The following THOC1 variants were observed in gnomAD, a reference collection of about 807,000 sequenced individuals.
The protein encoded by THOC1 is THO complex subunit 1.
A neutral mutation model predicts 97.3 loss-of-function variants in THOC1; 29 were observed. That is an observed-to-expected ratio of 0.30 (90% CI 0.22 to 0.41). THOC1 has a LOEUF of 0.41. Ranked by LOEUF, THOC1 falls within the 10% of genes least tolerant of loss-of-function variation. The probability of loss-of-function intolerance (pLI) is 1.00; values close to 1 mark genes in which losing one functional copy is unlikely to be tolerated. For missense variants in THOC1, 529 were observed against 761.9 expected, an observed-to-expected ratio of 0.69 and a Z score of 3.60; for synonymous variants, 255 against 257.0, an observed-to-expected ratio of 0.99 and a Z score of 0.07.
chr18:247,055 T>C (rs1311000354), intron 10 of THOC1, among the ~76,000 whole-genome samples: 2 of 152,206 alleles, frequency 1.3e-5, no homozygotes, highest in African/African-American at 4.8e-5. Context: ...TCTTACGCAT[T>C]TCTTGTGCTA....
At chr18:225,647 A>G in intron 12 of THOC1, 2 of 487,618 alleles carry the variant, frequency 4.1e-6, no homozygotes, top group South Asian at 5.9e-5. Flanking sequence ...AATCAATCAG[A>G]TTCACTATGA....
At chr18:252,792 G>C (rs1912323136) in intron 8 of THOC1, among the ~76,000 whole-genome samples, 180 bp from the exon 9 acceptor site, 1 of 152,160 alleles carries the variant, frequency 6.6e-6, no homozygotes, top group South Asian at 2.1e-4. Context: ...CTGATGGACA[G>C]AAGAACTCAA....
rs201272936 is a variant in THOC1 at position 226,881 on chromosome 18, A to G, written c.939T>C (p.Ser313=). 1.2e-6 allele frequency: 2 copies of G among 1,610,158 alleles called. No homozygotes were observed. Among genetic ancestry groups the G allele is most frequent in the African/African-American group, 2.7e-5 (2 of 75,024 alleles). Residue 313 remains serine (S), a synonymous_variant, in exon 12 of 21, where the codon AGT becomes AGC. Transcript: ENST00000261600. ...TSEKLMDLQL[S]DSNFRRHILL... Reference sequence around the variant, plus strand: ...GGATGTGTCGACGAAAGTTACTGTCACTCAGTTGTAAATCCATCAGCTACT... The same window carrying G: ...GGATGTGTCGACGAAAGTTACTGTCGCTCAGTTGTAAATCCATCAGCTACT...
rs546555244 is a variant in THOC1, at chr18:225,052, G to A, written c.1137+37C>T. On this transcript the variant is annotated intron_variant, in intron 14 of 20. Transcript: ENST00000261600. ...GTGGAATCCTCTGAAGTTCTATTTCGTGCTAAGAAGAGGATGTAAGCATAA... is the reference window on the plus strand; with the variant it reads ...GTGGAATCCTCTGAAGTTCTATTTCATGCTAAGAAGAGGATGTAAGCATAA... 51 of 1,565,414 alleles carry A rather than the reference G, an allele frequency of 3.3e-5. No individual in the cohort carries two copies. In the South Asian group the frequency reaches 3.7e-4, roughly 11 times the overall value.
In THOC1 at chr18:226,866, A is replaced by G; in HGVS notation, c.954T>C (p.Arg318=). 1 of 1,611,774 alleles carries G rather than the reference A, an allele frequency of 6.2e-7. No individual in the cohort carries two copies. Among genetic ancestry groups the G allele is most frequent in the Non-Finnish European group, 8.5e-7 (1 of 1,178,944 alleles). Residue 318 remains arginine (R), a synonymous_variant, in exon 12 of 21, where the codon CGT becomes CGC. Coordinates refer to ENST00000261600, the MANE Select transcript of THOC1 (RefSeq NM_005131.3). ...TGAGATACTGCAACAGGATGTGTCG[A>G]CGAAAGTTACTGTCACTCAGTTGTA... ...MDLQLSDSNF[R]RHILLQYLIL... is the part of the protein sequence containing the mutation.
chr18:247,975 A>C lies in THOC1; in HGVS notation c.678-18T>G. 7.4e-7 allele frequency: 1 copy of C among 1,345,906 alleles called. No homozygotes were observed. The highest frequency in any genetic ancestry group is 1.0e-6 in the Non-Finnish European group (1 of 973,336). 83.4% of individuals were successfully genotyped at this position (1,345,906 alleles called of 1,614,324 possible). ...GAATAGAGCTAATAAAATAAACGTTATATTAAATAAATCATTCAAATTCTT... is the reference window on the plus strand; with the variant it reads ...GAATAGAGCTAATAAAATAAACGTTCTATTAAATAAATCATTCAAATTCTT... On this transcript the variant is annotated intron_variant, in intron 9 of 20. Coordinates refer to ENST00000261600, the MANE Select transcript of THOC1 (RefSeq NM_005131.3).
chr18:264,731 A>G (rs1912709970), intron 3 of THOC1, among the ~76,000 whole-genome samples: 1 of 152,262 alleles, frequency 6.6e-6, no homozygotes, highest in Non-Finnish European at 1.5e-5. Flanking sequence ...ACTATGGCCA[A>G]TAGAAGGGAA....
chr18:253,902 ATTTTTTTT>A (rs35294329), intron 8 of THOC1, among the ~76,000 whole-genome samples: 1 of 133,964 alleles, frequency 7.5e-6, no homozygotes, highest in Non-Finnish European at 1.6e-5. Context: ...TTTACATGAA[ATTTTTTTT>A]TTTTTTTTTT....
intron 11 of THOC1, among the ~76,000 whole-genome samples, chr18:234,559 G>GT (rs922272593): frequency 2.0e-5 from 3 of 148,724 alleles, no homozygotes; most frequent in South Asian, 2.1e-4. Flanking sequence ...TTTTTGTTTT[G>GT]TTTTTTCAGA....
Position 260,314 on chromosome 18 carries a change from G to C in THOC1, c.257-10C>G. ...GATGCGGTACAAATACCTTCAAGTG[G>C]AGCACAAGCCAATTTAAAAGTTTAA... On this transcript the variant is annotated splice_polypyrimidine_tract_variant and intron_variant, in intron 4 of 20. Coordinates refer to ENST00000261600, the MANE Select transcript of THOC1 (RefSeq NM_005131.3). The C allele has an allele frequency of 6.8e-7, 1 of 1,473,554 alleles. No homozygotes were observed. The highest frequency in any genetic ancestry group is 9.0e-7 in the Non-Finnish European group (1 of 1,107,768). 91.3% of individuals were successfully genotyped at this position (1,473,554 alleles called of 1,614,324 possible). A position where few individuals can be genotyped will look rare whatever the true frequency, so the allele number is the denominator to read the frequency against.
At chr18:224,676 T>TG (rs2143167134) in intron 15 of THOC1, among the ~76,000 whole-genome samples, 1 of 151,486 alleles carries the variant, frequency 6.6e-6, no homozygotes, top group Non-Finnish European at 1.5e-5. Flanking sequence ...ACGGAGTAGA[T>TG]ATACAGTATT....
intron 6 of THOC1, 144 bp from the exon 7 acceptor site, chr18:259,419 A>G (rs1363858562): frequency 4.2e-6 from 3 of 709,652 alleles, no homozygotes; most frequent in Non-Finnish European, 6.8e-6. Context: ...CCACTGCCAC[A>G]AAAAAGTACT....
intron 11 of THOC1, among the ~76,000 whole-genome samples, chr18:235,845 G>A (rs1218195698): frequency 6.6e-6 from 1 of 152,108 alleles, no homozygotes; most frequent in Admixed American, 6.5e-5. Flanking sequence ...ACTACACCAA[G>A]CTTATTACTG....
intron 14 of THOC1, 24 bp downstream of exon 14, chr18:225,065 G>A: frequency 6.4e-7 from 1 of 1,568,832 alleles, no homozygotes; most frequent in Non-Finnish European, 8.7e-7. Flanking sequence ...CTAAGAAGAG[G>A]ATGTAAGCAT....
In THOC1 at chr18:214,520, TTGTTATAAAAA is replaced by T; in HGVS notation, c.*95_*105del. ...AGAGCACCAGCCGACTGTACAACAA[TTGTTATAAAAA>T]TGTTTATTGTTTACCAAAACCAGTG... On this transcript the variant is annotated 3_prime_UTR_variant, in exon 21 of 21. Coordinates refer to ENST00000261600, the MANE Select transcript of THOC1 (RefSeq NM_005131.3). 4.6e-6 allele frequency: 4 copies of T among 871,692 alleles called. No individual in the cohort carries two copies. The highest frequency in any genetic ancestry group is 6.8e-6 in the Non-Finnish European group (4 of 585,652). 54.0% of individuals were successfully genotyped at this position (871,692 alleles called of 1,614,324 possible).
intron 11 of THOC1, among the ~76,000 whole-genome samples, chr18:243,521 G>C (rs1165714647): frequency 1.3e-5 from 2 of 151,682 alleles, no homozygotes; most frequent in African/African-American, 4.8e-5. Flanking sequence ...CTGGGCGACA[G>C]AGCAAAACTC....
intron 4 of THOC1, among the ~76,000 whole-genome samples, chr18:263,195 C>A (rs559182313): frequency 5.3e-5 from 8 of 152,192 alleles, no homozygotes; most frequent in Non-Finnish European, 1.2e-4. Flanking sequence ...ATTCTCCTGC[C>A]TCGGCCTCCT....
chr18:247,715 CTTG>C, intron 10 of THOC1, 131 bp downstream of exon 10: 1 of 597,990 alleles, frequency 1.7e-6, no homozygotes, highest in South Asian at 2.2e-5. Flanking sequence ...TATAATTTCA[CTTG>C]TTATGAAATT....
chr18:234,487 TA>T (rs1911603605), intron 11 of THOC1, among the ~76,000 whole-genome samples: 2 of 152,242 alleles, frequency 1.3e-5, no homozygotes, highest in Admixed American at 1.3e-4. Context: ...TATTAGATTT[TA>T]TTGAATTTTC....
Sources: allele counts gnomAD v4.1 joint callset (sites outside exome capture counted in the v4.1 genomes callset), GRCh38; gene constraint gnomAD v4.1.1; transcripts MANE v1.5; gene names NCBI Gene and HGNC (gene_info 2026-07-23, HGNC 2026-07-21).